Variants in BDNF observed in about 807,000 individuals in gnomAD.
BDNF encodes the protein brain derived neurotrophic factor.
BDNF carries 1 observed loss-of-function variant against 19.5 expected under a neutral mutation model. That is an observed-to-expected ratio of 0.05 (90% CI 0.02 to 0.24). BDNF has a LOEUF of 0.24. Among genes scored for constraint, BDNF ranks in the 10% least tolerant of loss-of-function variants. The pLI is 1.00. For synonymous variants in BDNF, 100 were observed against 121.6 expected (o/e 0.82, Z 1.17); for missense variants, 195 against 317.6 (o/e 0.61, Z 2.93).
At chr11:27,700,136 C>CCAAG in intron 1 of BDNF, 28 bp downstream of exon 1, 1 of 986,092 alleles carries the variant, frequency 1.0e-6, no homozygotes, top group Non-Finnish European at 1.2e-6. Flanking sequence ...AGCTCCTGCA[C>CCAAG]CAAGCCCCAT....
intron 1 of BDNF, chr11:27,665,183 T>A (rs890687627): frequency 2.2e-4 from 33 of 152,206 alleles, no homozygotes; most frequent in African/African-American, 7.7e-4. Context: ...ATTGAAACCA[T>A]ATAATATTTA....
At chr11:27,670,971 G>A (rs756099230) in intron 1 of BDNF, among the ~76,000 whole-genome samples, 7 of 152,208 alleles carry the variant, frequency 4.6e-5, no homozygotes, top group Admixed American at 6.5e-5. Context: ...TGTTTATTGC[G>A]GCACTATTTA....
At position 27,700,166 on chromosome 11, in the gene BDNF, CG is replaced by C. The variant is rs1214284019; in HGVS notation, c.-25del. On this transcript the variant is annotated 5_prime_UTR_variant, in exon 1 of 2. Coordinates refer to ENST00000356660, the MANE Select transcript of BDNF (RefSeq NM_001709.5). ...CCCCATTCCCAGCGCTTGCCTACCTCGGGGTCCACACAAACCTCACGGGTCC... is the reference window on the plus strand; with the variant it reads ...CCCCATTCCCAGCGCTTGCCTACCTCGGGTCCACACAAACCTCACGGGTCC... 1.0e-6 allele frequency: 1 copy of C among 985,814 alleles called. No homozygotes were observed. Among genetic ancestry groups the C allele is most frequent in the Non-Finnish European group, 1.2e-6 (1 of 830,372 alleles). The allele number at this position is 985,814 out of a possible 1,614,324, so 61.1% of individuals were successfully genotyped here. A position where few individuals can be genotyped will look rare whatever the true frequency, so the allele number is the denominator to read the frequency against.
At chr11:27,677,383 G>A (rs1287040155) in intron 1 of BDNF, 1 of 152,158 alleles carries the variant, frequency 6.6e-6, no homozygotes, top group Non-Finnish European at 1.5e-5. Flanking sequence ...AAGCTCTCTG[G>A]TATATATTAG....
Position 27,687,916 on chromosome 11 carries a change from C to A in BDNF, c.-22+12248G>T, listed in dbSNP as rs561874911. 2.0e-5 allele frequency among the ~76,000 whole-genome samples: 3 copies of A among 152,328 alleles called. No homozygotes were observed. In the East Asian group the frequency reaches 5.8e-4, roughly 29 times the overall value. On this transcript the variant is annotated intron_variant, in intron 1 of 1. Coordinates refer to ENST00000356660, the MANE Select transcript of BDNF (RefSeq NM_001709.5). ...ACCTGCTTAAGAAGGCAGTCTGTCC[C>A]TTAGCAGAGCTCAAGTGCTGTGCTG...
At chr11:27,676,214 C>T (rs1856084860) in intron 1 of BDNF, 1 of 152,176 alleles carries the variant, frequency 6.6e-6, no homozygotes, top group African/African-American at 2.4e-5. Flanking sequence ...TTCTTATGCC[C>T]AGGAATGACC....
At chr11:27,660,323 A>G in intron 1 of BDNF, 1 of 846,752 alleles carries the variant, frequency 1.2e-6, no homozygotes, top group Non-Finnish European at 1.7e-6. Flanking sequence ...TTGCACGAAT[A>G]GCAAACATGC....
chr11:27,689,774 ATG>A (rs1857996929), intron 1 of BDNF, among the ~76,000 whole-genome samples: 1 of 152,138 alleles, frequency 6.6e-6, no homozygotes, highest in East Asian at 1.9e-4. Context: ...ATAGGTAAAT[ATG>A]TGTCATGGTG....
At chr11:27,682,676 G>A (rs1856994682) in intron 1 of BDNF, among the ~76,000 whole-genome samples, 1 of 152,052 alleles carries the variant, frequency 6.6e-6, no homozygotes, top group Non-Finnish European at 1.5e-5. Flanking sequence ...TTCTGTTCCT[G>A]TGTTACCTTG....
chr11:27,699,438 AC>A lies in BDNF; in HGVS notation c.-22+725del, dbSNP rs775265848. The A allele has an allele frequency of 4.0e-5, 65 of 1,613,706 alleles. No homozygotes were observed. In the Middle Eastern group the frequency reaches 4.9e-4, roughly 12 times the overall value. On this transcript the variant is annotated intron_variant, in intron 1 of 1. Coordinates refer to ENST00000356660, the MANE Select transcript of BDNF (RefSeq NM_001709.5). ...GACTAACCCGAGTCAAGAATCCCCC[AC>A]GTACATCCCAACCACTCCCCGAAAG...
rs117712116 is a variant in BDNF at position 27,711,443 on chromosome 11, G to A, written c.3+9969C>T. On this transcript the variant is annotated intron_variant, in intron 1 of 1. Coordinates refer to the BDNF transcript ENST00000314915. ...CAAAGATCAAAATGATTCTAAAGTA[G>A]CACTCCTGGAAATGAATTGTGAGAC... Among the ~76,000 whole-genome samples the A allele has an allele frequency of 5.5e-3, 841 of 152,286 alleles. 5 individuals carry two copies. Among genetic ancestry groups the A allele is most frequent in the Non-Finnish European group, 8.6e-3 (585 of 68,004 alleles).
chr11:27,667,765 A>C (rs1291189819), intron 1 of BDNF, among the ~76,000 whole-genome samples: 3 of 152,258 alleles, frequency 2.0e-5, no homozygotes, highest in Non-Finnish European at 4.4e-5. Flanking sequence ...AGATTCACAA[A>C]GCAAGTCCTT....
intron 1 of BDNF, chr11:27,720,696 A>C (rs960684644): frequency 5.1e-6 from 5 of 985,796 alleles, no homozygotes; most frequent in African/African-American, 3.5e-5. Flanking sequence ...AAGGTGCTGA[A>C]TGGACTCCTA....
intron 1 of BDNF, among the ~76,000 whole-genome samples, chr11:27,686,066 A>T (rs1857440000): frequency 6.6e-6 from 1 of 152,164 alleles, no homozygotes; most frequent in African/African-American, 2.4e-5. Flanking sequence ...TTGCTTTATG[A>T]ATCTGGGTGC....
At chr11:27,672,364 C>A (rs1012539463) in intron 1 of BDNF, among the ~76,000 whole-genome samples, 1 of 152,122 alleles carries the variant, frequency 6.6e-6, no homozygotes, top group Non-Finnish European at 1.5e-5. Flanking sequence ...AACGATATGA[C>A]CAACTATGGC....
At chr11:27,707,845 TG>T (rs1273163776) in intron 1 of BDNF, among the ~76,000 whole-genome samples, 1 of 152,072 alleles carries the variant, frequency 6.6e-6, no homozygotes, top group Non-Finnish European at 1.5e-5. Flanking sequence ...GACCTGGGAA[TG>T]GGGGGTGGTG....
chr11:27,720,645 T>TG, intron 1 of BDNF: 1 of 985,458 alleles, frequency 1.0e-6, no homozygotes, highest in Non-Finnish European at 1.2e-6. Flanking sequence ...GAAGACTACC[T>TG]GGGGGTACCG....
chr11:27,688,450 G>GGGGTATGAGAAAAAACTCCTGCA (rs1286056768), intron 1 of BDNF, among the ~76,000 whole-genome samples: 1 of 152,214 alleles, frequency 6.6e-6, no homozygotes. Context: ...AGGTGCCACT[G>GGGGTATGAGAAAAAACTCCTGCA]GGGTATGAGA....
In BDNF at chr11:27,658,865, A is replaced by G. The variant is rs956628488; in HGVS notation, c.-21-280T>C. 5.4e-6 allele frequency: 7 copies of G among 1,308,128 alleles called. No individual in the cohort carries two copies. The African/African-American group carries it at 9.0e-5, about 17-fold the overall frequency. 81.0% of individuals were successfully genotyped at this position (1,308,128 alleles called of 1,614,324 possible). On this transcript the variant is annotated intron_variant, in intron 1 of 1. Coordinates refer to ENST00000356660, the MANE Select transcript of BDNF (RefSeq NM_001709.5). This position sits in a 1 kb window ranked among gnomAD's most constrained non-coding sequence, Gnocchi z 5.7. ...AGCAAGTGCAAAAATTGTGGCTTCA[A>G]GTTCTCCTTCTTCCCACTTTAGCAG...
Sources: gnomAD v4.1 joint callset for allele counts (sites outside exome capture counted in the v4.1 genomes callset) on GRCh38, gnomAD v4.1.1 for gene constraint, Gnocchi (gnomAD v3.1) non-coding constraint, MANE v1.5 for transcripts, NCBI Gene and HGNC (gene_info 2026-07-23, HGNC 2026-07-21) for gene names.